NPAT: variants seen among roughly 807,000 people sequenced by gnomAD.
NPAT encodes protein NPAT.
In NPAT, 52 loss-of-function variants were observed where a neutral mutation model predicts 130.7. That is an observed-to-expected ratio of 0.40 (90% CI 0.32 to 0.50). The LOEUF is 0.50. NPAT is among the 20% of genes least tolerant of loss of function. The pLI, the probability that NPAT is intolerant of heterozygous loss-of-function variation, is 0.68. For missense variants in NPAT, 1,687 were observed against 1,662.6 expected (o/e 1.01, Z -0.26); for synonymous variants, 580 against 584.8 (o/e 0.99, Z 0.12).
At chr11:108,218,292 A>G (rs1451131863) in intron 1 of NPAT, among the ~76,000 whole-genome samples, 1 of 152,210 alleles carries the variant, frequency 6.6e-6, no homozygotes, top group African/African-American at 2.4e-5. Context: ...AAACAACCGA[A>G]AAAGAGAAGA....
intron 4 of NPAT, among the ~76,000 whole-genome samples, chr11:108,191,139 A>C (rs2078165577): frequency 6.6e-6 from 1 of 152,202 alleles, no homozygotes; most frequent in Admixed American, 6.5e-5. Flanking sequence ...AAGAATATAC[A>C]AAGTATACAT....
intron 15 of NPAT, among the ~76,000 whole-genome samples, chr11:108,166,723 G>A (rs1287130608): frequency 2.6e-5 from 4 of 152,160 alleles, no homozygotes. Flanking sequence ...GGTAGAATGA[G>A]TCTGTCCTCT....
At chr11:108,209,036 T>C (rs991302253) in intron 1 of NPAT, among the ~76,000 whole-genome samples, 1 of 152,082 alleles carries the variant, frequency 6.6e-6, no homozygotes, top group Non-Finnish European at 1.5e-5. Flanking sequence ...TCCCAGCACG[T>C]TGGGAGGCTG....
At position 108,185,507 on chromosome 11, in the gene NPAT, G is replaced by A. The variant is rs767722040; in HGVS notation, c.727-13C>T. The stretch of plus-strand genomic sequence containing the variant: ...CAATAACCATTTGCTGGAAAAGAAA[G>A]CCACTGTTAGCAAAAGGACAATAAA... On this transcript the variant is annotated splice_polypyrimidine_tract_variant and intron_variant, in intron 8 of 17. Coordinates refer to ENST00000278612, the MANE Select transcript of NPAT (RefSeq NM_002519.3). The A allele has an allele frequency of 6.6e-7, 1 of 1,518,460 alleles. No individual in the cohort carries two copies. The highest frequency in any genetic ancestry group is 1.7e-5 in the Admixed American group (1 of 59,584). The allele number at this position is 1,518,460 out of a possible 1,614,324, so 94.1% of individuals were successfully genotyped here.
intron 12 of NPAT, among the ~76,000 whole-genome samples, chr11:108,174,676 C>T (rs957617682): frequency 2.8e-5 from 4 of 144,118 alleles, no homozygotes; most frequent in Non-Finnish European, 4.5e-5. Context: ...TGCAGCGGTG[C>T]GATTCTCAGC....
intron 13 of NPAT, among the ~76,000 whole-genome samples, chr11:108,170,802 T>A (rs1269831212): frequency 1.3e-5 from 2 of 152,226 alleles, no homozygotes; most frequent in East Asian, 3.8e-4. Flanking sequence ...CTTCATTCTT[T>A]AAGCTTTAGC....
At chr11:108,178,422 TTG>T (rs147126073) in intron 10 of NPAT, among the ~76,000 whole-genome samples, 18 of 151,614 alleles carry the variant, frequency 1.2e-4, no homozygotes, top group Admixed American at 3.3e-4. Context: ...ATTATTATTT[TTG>T]TGTGTGTGTG....
intron 15 of NPAT, among the ~76,000 whole-genome samples, chr11:108,166,776 T>C (rs933612667): frequency 3.9e-5 from 6 of 152,222 alleles, no homozygotes; most frequent in Admixed American, 3.3e-4. Context: ...TTCTTTCTCA[T>C]AGATTTTATA....
At chr11:108,213,683 C>A in intron 1 of NPAT, among the ~76,000 whole-genome samples, 1 of 152,132 alleles carries the variant, frequency 6.6e-6, no homozygotes, top group African/African-American at 2.4e-5. Context: ...TACAAGGGGG[C>A]TGGAATAGCC....
intron 1 of NPAT, among the ~76,000 whole-genome samples, chr11:108,212,602 T>C (rs2078394655): frequency 6.7e-6 from 1 of 149,454 alleles, no homozygotes; most frequent in South Asian, 2.1e-4. Flanking sequence ...ACATGTCTTA[T>C]ATAGAAAATC....
In NPAT at chr11:108,192,209, G is replaced by A; in HGVS notation, c.218-19C>T. On this transcript the variant is annotated intron_variant, in intron 3 of 17. Coordinates refer to ENST00000278612, the MANE Select transcript of NPAT (RefSeq NM_002519.3). ...GATGTTTCTAAATCATAGGAGAAAA[G>A]GTTCTTAATAAACCCAGCTGAAGAA... The A allele has an allele frequency of 6.6e-7, 1 of 1,518,288 alleles. No individual in the cohort carries two copies. Among genetic ancestry groups the A allele is most frequent in the South Asian group, 1.1e-5 (1 of 89,086 alleles). The allele number at this position is 1,518,288 out of a possible 1,614,324, so 94.1% of individuals were successfully genotyped here.
Position 108,222,568 on chromosome 11 carries a change from A to T in NPAT, c.-32T>A, listed in dbSNP as rs748284888. 1 of 1,613,220 alleles carries T rather than the reference A, an allele frequency of 6.2e-7. No individual in the cohort carries two copies. Among genetic ancestry groups the T allele is most frequent in the Admixed American group, 1.7e-5 (1 of 59,896 alleles). Reference sequence around the variant, plus strand: ...AACCACAGCAGGAACCACAATAAGGAACAAGACTCAGGTTAAAGCAAACAC... The same window carrying T: ...AACCACAGCAGGAACCACAATAAGGTACAAGACTCAGGTTAAAGCAAACAC... On this transcript the variant is annotated 5_prime_UTR_variant, in exon 1 of 18. Coordinates refer to ENST00000278612, the MANE Select transcript of NPAT (RefSeq NM_002519.3).
chr11:108,162,076 C>G, intron 16 of NPAT, 44 bp downstream of exon 16: 4 of 1,612,102 alleles, frequency 2.5e-6, no homozygotes, highest in African/African-American at 2.7e-5. Context: ...TGTTTTAAAT[C>G]TGAGCATTCA....
intron 1 of NPAT, among the ~76,000 whole-genome samples, chr11:108,210,786 T>A (rs183089842): frequency 1.3e-5 from 2 of 152,306 alleles, no homozygotes; most frequent in East Asian, 3.9e-4. Context: ...TACAAAACAT[T>A]GAATGAAACA....
intron 10 of NPAT, among the ~76,000 whole-genome samples, chr11:108,181,014 G>A (rs1195601944): frequency 3.3e-5 from 5 of 152,194 alleles, no homozygotes; most frequent in Non-Finnish European, 1.5e-5. Flanking sequence ...AAGTAGAATG[G>A]TGGTTGGCAG....
chr11:108,160,830 T>C (rs1433095867), intron 17 of NPAT, 50 bp downstream of exon 17: 2 of 1,530,498 alleles, frequency 1.3e-6, no homozygotes, highest in Non-Finnish European at 1.8e-6. Flanking sequence ...CGCTAATCAC[T>C]AAAGCGGAAA....
chr11:108,201,556 T>C (rs756790563), intron 1 of NPAT, among the ~76,000 whole-genome samples: 1 of 152,196 alleles, frequency 6.6e-6, no homozygotes, highest in Non-Finnish European at 1.5e-5. Context: ...CAGAAACCTG[T>C]AGGTTACCTA....
intron 1 of NPAT, among the ~76,000 whole-genome samples, chr11:108,197,642 T>C (rs1317786703): frequency 6.6e-6 from 1 of 152,204 alleles, no homozygotes; most frequent in Non-Finnish European, 1.5e-5. Flanking sequence ...CTAGCTAAAC[T>C]AGTAAAATAA....
rs367652833 is a variant in NPAT, at chr11:108,192,092, T to C, written c.290+26A>G. ...AAAGTGTATTTGCATTCCAAAATCA[T>C]TAGGCACATTCTAATAGCTTATTAC... On this transcript the variant is annotated intron_variant, in intron 4 of 17. Transcript: ENST00000278612. The C allele has an allele frequency of 1.0e-5, 15 of 1,467,748 alleles. No individual in the cohort carries two copies. In the African/African-American group the frequency reaches 1.3e-4, roughly 12 times the overall value. 90.9% of individuals were successfully genotyped at this position (1,467,748 alleles called of 1,614,324 possible).
Sources: allele counts gnomAD v4.1 joint callset (sites outside exome capture counted in the v4.1 genomes callset), GRCh38; gene constraint gnomAD v4.1.1; transcripts MANE v1.5; gene names NCBI Gene and HGNC (gene_info 2026-07-23, HGNC 2026-07-21).